The following GALNT13 variants were observed in gnomAD, a reference collection of about 807,000 sequenced individuals.
GALNT13 encodes UDP-GalNAc:polypeptide N-acetylgalactosaminyltransferase 13.
Under a neutral mutation model 64.2 loss-of-function variants are expected in GALNT13, and 28 were observed. That is an observed-to-expected ratio of 0.44 (90% CI 0.32 to 0.60). The LOEUF (loss-of-function observed/expected upper bound fraction) is 0.60. Among genes scored for constraint, GALNT13 ranks in the 20% least tolerant of loss-of-function variants. The pLI is 0.05. For missense variants in GALNT13, 577 were observed against 669.8 expected (o/e 0.86, Z 1.53); for synonymous variants, 214 against 224.6 (o/e 0.95, Z 0.42).
At chr2:153,199,510 C>T in the GALNT13 span, among the ~76,000 whole-genome samples, 1 of 152,176 alleles carries the variant, frequency 6.6e-6, no homozygotes, top group Admixed American at 6.5e-5. Context: ...CCATGCTGGA[C>T]AAAGGACAGA....
intron 9 of GALNT13, among the ~76,000 whole-genome samples, chr2:154,365,128 CTT>C (rs1697297564): frequency 6.6e-6 from 1 of 152,082 alleles, no homozygotes; most frequent in Non-Finnish European, 1.5e-5. Context: ...CCATTCTGTT[CTT>C]TTTTCTTTTC....
At chr2:154,409,319 A>G (rs1221603284) in intron 11 of GALNT13, 4 of 490,334 alleles carry the variant, frequency 8.2e-6, no homozygotes, top group Admixed American at 3.4e-5. Flanking sequence ...AAGATATCCA[A>G]ATATTTTAGA....
At chr2:153,078,778 A>G in the GALNT13 span, among the ~76,000 whole-genome samples, 1 of 152,100 alleles carries the variant, frequency 6.6e-6, no homozygotes, top group African/African-American at 2.4e-5. Context: ...GAAAATGTTC[A>G]TCACTTCTTA....
At chr2:153,106,723 C>T in the GALNT13 span, among the ~76,000 whole-genome samples, 79 of 152,206 alleles carry the variant, frequency 5.2e-4, no homozygotes, top group Non-Finnish European at 8.7e-4. Flanking sequence ...GAAGGATATT[C>T]TTTATGACTT....
chr2:153,252,676 A>G, the GALNT13 span, among the ~76,000 whole-genome samples: 1 of 152,208 alleles, frequency 6.6e-6, no homozygotes, highest in Admixed American at 6.5e-5. Flanking sequence ...ATCCAGTTTC[A>G]GCTTTCTCCA....
the GALNT13 span, among the ~76,000 whole-genome samples, chr2:153,652,724 C>G: frequency 6.6e-6 from 1 of 152,148 alleles, no homozygotes; most frequent in Non-Finnish European, 1.5e-5. Flanking sequence ...ACCAGTTTGT[C>G]CGAATGTAAT....
At chr2:153,226,394 T>C in the GALNT13 span, among the ~76,000 whole-genome samples, 1 of 152,042 alleles carries the variant, frequency 6.6e-6, no homozygotes, top group Admixed American at 6.5e-5. Context: ...AAATAAAGTA[T>C]GGAAAGATAA....
intron 4 of GALNT13, among the ~76,000 whole-genome samples, chr2:154,230,713 C>T (rs1688868995): frequency 6.6e-6 from 1 of 151,494 alleles, no homozygotes; most frequent in Admixed American, 6.6e-5. Flanking sequence ...CCTAGTGTAC[C>T]CTCTCTGTTA....
the GALNT13 span, among the ~76,000 whole-genome samples, chr2:153,757,008 T>G: frequency 6.6e-6 from 1 of 152,178 alleles, no homozygotes; most frequent in African/African-American, 2.4e-5. Context: ...TTTTGTTAGC[T>G]ATTGACAAAT....
chr2:154,396,195 C>T, intron 10 of GALNT13, 65 bp downstream of exon 10: 1 of 1,084,340 alleles, frequency 9.2e-7, no homozygotes, highest in East Asian at 2.7e-5. Context: ...TTCTAAGGAG[C>T]TCAGTATTTT....
At chr2:153,342,593 C>T in the GALNT13 span, among the ~76,000 whole-genome samples, 3 of 152,156 alleles carry the variant, frequency 2.0e-5, no homozygotes, top group East Asian at 1.9e-4. Context: ...TTATCAAACA[C>T]GTTACAAAGA....
the GALNT13 span, among the ~76,000 whole-genome samples, chr2:153,770,315 G>T: frequency 2.6e-5 from 4 of 151,986 alleles, no homozygotes; most frequent in East Asian, 5.8e-4. Flanking sequence ...CTTTGACTTT[G>T]GTCTGGTTGC....
chr2:154,192,146 C>G (rs551076805), intron 4 of GALNT13, among the ~76,000 whole-genome samples: 1 of 152,334 alleles, frequency 6.6e-6, no homozygotes, highest in East Asian at 1.9e-4. Context: ...CCAGTCATGG[C>G]TTGACGGTGC....
the GALNT13 span, among the ~76,000 whole-genome samples, chr2:153,464,300 C>T: frequency 5.2e-4 from 79 of 152,142 alleles, no homozygotes; most frequent in African/African-American, 1.9e-3. Flanking sequence ...CACTGTGCCT[C>T]CAGGTGCCCA....
At chr2:153,863,130 T>C in the GALNT13 span, among the ~76,000 whole-genome samples, 3 of 152,170 alleles carry the variant, frequency 2.0e-5, no homozygotes, top group African/African-American at 7.2e-5. Context: ...AATTGAATAA[T>C]GTATTAGTTT....
intron 3 of GALNT13, among the ~76,000 whole-genome samples, chr2:154,044,909 C>T (rs1699201214): frequency 6.6e-6 from 1 of 152,056 alleles, no homozygotes; most frequent in Non-Finnish European, 1.5e-5. Context: ...CAGGTCCAGC[C>T]TTGGTGTTAC....
At chr2:153,676,782 C>T in the GALNT13 span, among the ~76,000 whole-genome samples, 2 of 152,100 alleles carry the variant, frequency 1.3e-5, no homozygotes, top group South Asian at 2.1e-4. Flanking sequence ...AAAACCACAT[C>T]GTTATCTCAG....
At chr2:154,269,137 G>T (rs1691183055) in intron 8 of GALNT13, among the ~76,000 whole-genome samples, 1 of 152,024 alleles carries the variant, frequency 6.6e-6, no homozygotes, top group South Asian at 2.1e-4. Context: ...AAAAGCAGGG[G>T]TTCCCATTGA....
At chr2:153,837,263 G>A in the GALNT13 span, among the ~76,000 whole-genome samples, 4 of 152,140 alleles carry the variant, frequency 2.6e-5, no homozygotes, top group Non-Finnish European at 5.9e-5. Context: ...GGCCAGTGAT[G>A]ATGAGCATTT....
Sources: allele counts gnomAD v4.1 joint callset (sites outside exome capture counted in the v4.1 genomes callset), GRCh38; gene constraint gnomAD v4.1.1; transcripts MANE v1.5; gene names NCBI Gene and HGNC (gene_info 2026-07-23, HGNC 2026-07-21).